PLEKHM3: variants seen among roughly 807,000 people sequenced by gnomAD.
The protein encoded by PLEKHM3 is pleckstrin homology domain-containing family M member 3.
In PLEKHM3, 45 loss-of-function variants were observed where a neutral mutation model predicts 81.8. The observed-to-expected ratio is 0.55, with a 90% CI of 0.43 to 0.71. The LOEUF is 0.71. PLEKHM3 is among the 30% of genes least tolerant of loss of function. The probability of loss-of-function intolerance (pLI) is 0.00; values close to 1 mark genes in which losing one functional copy is unlikely to be tolerated. For synonymous variants in PLEKHM3, 352 were observed against 356.4 expected, an observed-to-expected ratio of 0.99 and a Z score of 0.14; for missense variants, 788 against 924.3, an observed-to-expected ratio of 0.85 and a Z score of 1.91.
intron 2 of PLEKHM3, among the ~76,000 whole-genome samples, chr2:207,980,622 G>A (rs989505138): frequency 1.3e-5 from 2 of 152,066 alleles, no homozygotes; most frequent in African/African-American, 4.8e-5. Context: ...AGACTGGAGT[G>A]CAATGGCGTT....
At chr2:207,860,698 C>T (rs1388648587) in intron 7 of PLEKHM3, among the ~76,000 whole-genome samples, 1 of 152,088 alleles carries the variant, frequency 6.6e-6, no homozygotes, top group Non-Finnish European at 1.5e-5. Context: ...CAGCTGCTCA[C>T]CAGTGTCCTC....
chr2:207,963,030 C>G (rs1690792933), intron 3 of PLEKHM3, among the ~76,000 whole-genome samples: 1 of 151,584 alleles, frequency 6.6e-6, no homozygotes, highest in Non-Finnish European at 1.5e-5. Context: ...ACCTTGGATT[C>G]CTAGAAAAGA....
At chr2:207,924,837 A>T (rs1171028420) in intron 5 of PLEKHM3, among the ~76,000 whole-genome samples, 1 of 152,192 alleles carries the variant, frequency 6.6e-6, no homozygotes, top group African/African-American at 2.4e-5. Flanking sequence ...GGTGTTGGGT[A>T]TTCCTAGCAT....
chr2:207,938,471 C>T (rs559217629), intron 4 of PLEKHM3, among the ~76,000 whole-genome samples: 3 of 152,326 alleles, frequency 2.0e-5, no homozygotes, highest in South Asian at 2.1e-4. Flanking sequence ...AAGCCAGTCA[C>T]GTACTTGCTA....
intron 7 of PLEKHM3, among the ~76,000 whole-genome samples, chr2:207,831,869 A>G (rs1265270368): frequency 6.6e-6 from 1 of 152,182 alleles, no homozygotes; most frequent in African/African-American, 2.4e-5. Context: ...CACTAAAGTG[A>G]CACTAATGAT....
intron 4 of PLEKHM3, among the ~76,000 whole-genome samples, chr2:207,936,237 A>G (rs2105949730): frequency 6.6e-6 from 1 of 152,312 alleles, no homozygotes; most frequent in African/African-American, 2.4e-5. Context: ...CTCCAAAAGC[A>G]CTAGGATTAT....
chr2:207,855,269 G>A lies in PLEKHM3; in HGVS notation c.2108+5836C>T, dbSNP rs539022231. 2.0e-5 allele frequency among the ~76,000 whole-genome samples: 3 copies of A among 152,192 alleles called. No individual in the cohort carries two copies. In the South Asian group the frequency reaches 6.2e-4, roughly 32 times the overall value. ...CCAGCAAAAATCCCATAATGGGTGG[G>A]GTATGTCAAGGGAACAAAGGAGCCT... On this transcript the variant is annotated intron_variant, in intron 7 of 7. Transcript: ENST00000427836.
chr2:208,019,400 T>C (rs1050054946), intron 1 of PLEKHM3, among the ~76,000 whole-genome samples: 2 of 152,112 alleles, frequency 1.3e-5, no homozygotes, highest in Non-Finnish European at 2.9e-5. Context: ...CACCCTCATC[T>C]TCTTTATCAA....
rs528279032 is a variant in PLEKHM3, at chr2:207,958,322, A to G, written c.1547-11810T>C. 7.1e-4 allele frequency among the ~76,000 whole-genome samples: 108 copies of G among 151,482 alleles called. 1 individual carries two copies. In the South Asian group the frequency reaches 0.022, roughly 31 times the overall value. ...CTTCACAAATTAATCTTGGTGAAAC[A>G]CTGCTCACCAAGAACTCTTACTTGA... On this transcript the variant is annotated intron_variant, in intron 3 of 7. Coordinates refer to ENST00000427836, the MANE Select transcript of PLEKHM3 (RefSeq NM_001080475.3).
At chr2:207,889,880 C>T (rs999488838) in intron 6 of PLEKHM3, among the ~76,000 whole-genome samples, 6 of 152,002 alleles carry the variant, frequency 3.9e-5, no homozygotes, top group African/African-American at 7.2e-5. Flanking sequence ...CTCGGCTCAC[C>T]GCAACCTCTG....
chr2:207,901,225 A>T, intron 6 of PLEKHM3: 1 of 702,702 alleles, frequency 1.4e-6, no homozygotes, highest in East Asian at 2.7e-5. Flanking sequence ...AGTGCCGCAC[A>T]TTTGCTGCCA....
chr2:207,911,560 A>G (rs1688809797), intron 5 of PLEKHM3, among the ~76,000 whole-genome samples: 2 of 152,244 alleles, frequency 1.3e-5, no homozygotes, highest in Non-Finnish European at 2.9e-5. Context: ...TCTGCAGGAA[A>G]GGAAAACTAG....
At chr2:208,019,427 C>A (rs1359745160) in intron 1 of PLEKHM3, among the ~76,000 whole-genome samples, 2 of 152,126 alleles carry the variant, frequency 1.3e-5, no homozygotes. Context: ...CCCCTCCTTA[C>A]CTCCCACCCA....
At chr2:207,901,088 T>G (rs768869506) in intron 6 of PLEKHM3, 3 of 596,986 alleles carry the variant, frequency 5.0e-6, no homozygotes, top group Non-Finnish European at 9.0e-6. Flanking sequence ...GGGCTCGAGT[T>G]GGCTCCTGGA....
intron 7 of PLEKHM3, among the ~76,000 whole-genome samples, chr2:207,838,005 C>G (rs959120606): frequency 4.6e-5 from 7 of 151,608 alleles, no homozygotes; most frequent in Non-Finnish European, 1.0e-4. Context: ...CTCCCAACAT[C>G]AGGTGATCCG....
chr2:207,939,883 A>G (rs1254332872), intron 4 of PLEKHM3, among the ~76,000 whole-genome samples: 1 of 152,192 alleles, frequency 6.6e-6, no homozygotes, highest in Non-Finnish European at 1.5e-5. Flanking sequence ...AGGAGCTAAA[A>G]TAAAGGCTTG....
At chr2:207,920,935 G>A (rs900912369) in intron 5 of PLEKHM3, among the ~76,000 whole-genome samples, 4 of 152,024 alleles carry the variant, frequency 2.6e-5, no homozygotes, top group South Asian at 2.1e-4. Flanking sequence ...TCAGCAATCC[G>A]CCTCCCTGTT....
At position 207,916,649 on chromosome 2, in the gene PLEKHM3, G is replaced by A. The variant is rs865939539; in HGVS notation, c.1887-8072C>T. The stretch of plus-strand genomic sequence containing the variant: ...TGTAATCCCAGCTGCTAGGAATGCT[G>A]AAACAGGAAAATCACTTGAACCCAG... On this transcript the variant is annotated intron_variant, in intron 5 of 7. Transcript: ENST00000427836. 1.1e-4 allele frequency among the ~76,000 whole-genome samples: 17 copies of A among 152,172 alleles called. 1 individual carries two copies. Among genetic ancestry groups the A allele is most frequent in the Admixed American group, 3.9e-4 (6 of 15,280 alleles).
intron 3 of PLEKHM3, among the ~76,000 whole-genome samples, chr2:207,968,764 C>T (rs1480455678): frequency 1.3e-5 from 2 of 152,196 alleles, no homozygotes; most frequent in Admixed American, 6.5e-5. Context: ...AGCCCTTTAT[C>T]GCACACAAAT....
Sources: gnomAD v4.1 joint callset for allele counts (sites outside exome capture counted in the v4.1 genomes callset) on GRCh38, gnomAD v4.1.1 for gene constraint, MANE v1.5 for transcripts, NCBI Gene and HGNC (gene_info 2026-07-23, HGNC 2026-07-21) for gene names.